The following HOOK3 variants were observed in gnomAD, a reference collection of about 807,000 sequenced individuals.
The protein encoded by HOOK3 is protein Hook homolog 3.
A neutral mutation model predicts 116.3 loss-of-function variants in HOOK3; 24 were observed. The ratio of observed to expected loss-of-function variants is 0.21; its 90% CI spans 0.15 to 0.29. The LOEUF (loss-of-function observed/expected upper bound fraction) is 0.29. Ranked by LOEUF, HOOK3 falls within the 10% of genes least tolerant of loss-of-function variation. HOOK3 has a pLI of 1.00. For missense variants in HOOK3, 632 were observed against 830.2 expected (o/e 0.76, Z 2.93); for synonymous variants, 275 against 283.0 (o/e 0.97, Z 0.28).
rs1809757720 is a variant in HOOK3, at chr8:43,018,220, A to G, written c.2017-138A>G. Reference sequence around the variant, plus strand: ...AACTAAAATGCCTCTATGAGATTTTAATCTATAGTGAGTAGTATTAACATT... The same window carrying G: ...AACTAAAATGCCTCTATGAGATTTTGATCTATAGTGAGTAGTATTAACATT... On this transcript the variant is annotated intron_variant, in intron 21 of 21. Transcript: ENST00000307602. The G allele has an allele frequency of 6.7e-6, 5 of 747,518 alleles. No individual in the cohort carries two copies. In the South Asian group the frequency reaches 1.4e-4, roughly 20 times the overall value. 46.3% of individuals were successfully genotyped at this position (747,518 alleles called of 1,614,324 possible).
intron 5 of HOOK3, among the ~76,000 whole-genome samples, chr8:42,943,953 A>AT (rs1257726047): frequency 6.6e-6 from 1 of 152,196 alleles, no homozygotes; most frequent in Non-Finnish European, 1.5e-5. Flanking sequence ...ATAAAAATAA[A>AT]TTTTGAATTG....
intron 13 of HOOK3, among the ~76,000 whole-genome samples, chr8:42,980,186 C>A (rs978310608): frequency 6.6e-6 from 1 of 152,052 alleles, no homozygotes; most frequent in Non-Finnish European, 1.5e-5. Context: ...CTCCTGACCT[C>A]AGGTGATCCA....
chr8:42,964,514 G>A (rs1386219089), intron 9 of HOOK3, 40 bp downstream of exon 9: 5 of 1,587,876 alleles, frequency 3.1e-6, no homozygotes, highest in Admixed American at 1.7e-5. Flanking sequence ...TTAAAAATTT[G>A]TTAGCTGTCA....
At chr8:42,925,173 C>T (rs945404377) in intron 2 of HOOK3, among the ~76,000 whole-genome samples, 2 of 151,982 alleles carry the variant, frequency 1.3e-5, no homozygotes, top group African/African-American at 2.4e-5. Flanking sequence ...TCTTGGCTTG[C>T]TGCAACCTCT....
chr8:42,947,782 G>A (rs567878706), intron 5 of HOOK3, among the ~76,000 whole-genome samples: 71 of 152,248 alleles, frequency 4.7e-4, no homozygotes, highest in African/African-American at 1.6e-3. Context: ...GAGATACTTA[G>A]CCTGTGTTGT....
At chr8:42,914,625 A>G (rs1807495416) in intron 2 of HOOK3, among the ~76,000 whole-genome samples, 1 of 151,214 alleles carries the variant, frequency 6.6e-6, no homozygotes, top group Non-Finnish European at 1.5e-5. Context: ...AATCATATTC[A>G]CTCCTTGTAC....
intron 14 of HOOK3, among the ~76,000 whole-genome samples, chr8:42,985,740 CAAA>C (rs879842015): frequency 9.4e-6 from 1 of 106,804 alleles, no homozygotes; most frequent in Non-Finnish European, 2.0e-5. Flanking sequence ...GACCCCGTCT[CAAA>C]AAAAAAAAAA....
intron 15 of HOOK3, among the ~76,000 whole-genome samples, chr8:42,995,873 GTAA>G (rs1220144287): frequency 2.0e-5 from 3 of 151,642 alleles, no homozygotes; most frequent in East Asian, 1.9e-4. Flanking sequence ...GGCATATTTA[GTAA>G]TAATAATAAT....
chr8:42,906,199 A>C lies in HOOK3; in HGVS notation c.84A>C (p.Pro28=), dbSNP rs1449734485. ...TWIQTFNVDA[P]CQTVEDLTNG... ...TCCAGACATTTAATGTGGATGCACC[A>C]TGCCAGACCGTGGAAGATTTAACGA... is the stretch of plus-strand genomic sequence containing the variant. Residue 28 remains proline, a synonymous_variant, in exon 2 of 22, where the codon CCA becomes CCC. Transcript: ENST00000307602. 1 of 1,444,240 alleles carries C rather than the reference A, an allele frequency of 6.9e-7. No homozygotes were observed. The highest frequency in any genetic ancestry group is 1.9e-5 in the Admixed American group (1 of 52,920). The allele number at this position is 1,444,240 out of a possible 1,614,324, so 89.5% of individuals were successfully genotyped here.
At chr8:42,930,640 A>G (rs1239679892) in intron 4 of HOOK3, among the ~76,000 whole-genome samples, 3 of 152,202 alleles carry the variant, frequency 2.0e-5, no homozygotes, top group African/African-American at 7.2e-5. Context: ...AAGATGCCAA[A>G]TGGACACAAC....
Position 43,026,321 on chromosome 8 carries a change from A to T in HOOK3, c.*7823A>T, listed in dbSNP as rs997104467. Reference sequence around the variant, plus strand: ...TACTGTTACTTCTAGTCATTTATGTAGTATATTTTACTGCAAAATTTGTAG... The same window carrying T: ...TACTGTTACTTCTAGTCATTTATGTTGTATATTTTACTGCAAAATTTGTAG... On this transcript the variant is annotated 3_prime_UTR_variant, in exon 22 of 22. Coordinates refer to ENST00000307602, the MANE Select transcript of HOOK3 (RefSeq NM_032410.4). The T allele has an allele frequency of 5.2e-6, 1 of 192,188 alleles. No homozygotes were observed. Among genetic ancestry groups the T allele is most frequent in the Non-Finnish European group, 1.1e-5 (1 of 91,960 alleles). The allele number at this position is 192,188 out of a possible 1,614,324, so 11.9% of individuals were successfully genotyped here.
In HOOK3 at chr8:43,030,031, A is replaced by G. The variant is rs1810001258; in HGVS notation, c.*11533A>G. The G allele has an allele frequency of 1.4e-5, 3 of 212,218 alleles. No individual in the cohort carries two copies. The highest frequency in any genetic ancestry group is 5.9e-5 in the Admixed American group (1 of 17,048). The allele number at this position is 212,218 out of a possible 1,614,324, so 13.1% of individuals were successfully genotyped here. A position where few individuals can be genotyped will look rare whatever the true frequency, so the allele number is the denominator to read the frequency against. On this transcript the variant is annotated 3_prime_UTR_variant, in exon 22 of 22. Coordinates refer to ENST00000307602, the MANE Select transcript of HOOK3 (RefSeq NM_032410.4). ...ATTTCATTCTTTGTCATTATAATCC[A>G]AAAACAATGTCCACATCAGACTTGG...
intron 6 of HOOK3, among the ~76,000 whole-genome samples, chr8:42,956,833 C>T (rs565802815): frequency 2.1e-4 from 32 of 152,332 alleles, no homozygotes; most frequent in African/African-American, 5.5e-4. Context: ...CCGCCCACCT[C>T]GGCCTCCCAA....
intron 15 of HOOK3, among the ~76,000 whole-genome samples, chr8:42,988,098 C>A (rs1196588445): frequency 6.6e-6 from 1 of 152,086 alleles, no homozygotes; most frequent in East Asian, 1.9e-4. Flanking sequence ...CAGTGTAAAT[C>A]AGTATAAATG....
intron 15 of HOOK3, chr8:42,994,354 T>G: frequency 2.9e-6 from 1 of 339,898 alleles, no homozygotes; most frequent in Non-Finnish European, 5.8e-6. Flanking sequence ...AATTTTGGGT[T>G]TGGTTTGCTC....
intron 13 of HOOK3, among the ~76,000 whole-genome samples, chr8:42,975,575 TAG>T (rs1192810201): frequency 6.6e-6 from 1 of 152,214 alleles, no homozygotes; most frequent in Non-Finnish European, 1.5e-5. Flanking sequence ...GAAGGAATGA[TAG>T]GGCTTTATCA....
At chr8:42,938,903 C>T (rs546569205) in intron 4 of HOOK3, among the ~76,000 whole-genome samples, 2 of 151,912 alleles carry the variant, frequency 1.3e-5, no homozygotes, top group South Asian at 2.1e-4. Context: ...TTGAGATTAG[C>T]GAGTGGTGAT....
In HOOK3 at chr8:43,030,154, A is replaced by T. The variant is rs1268354634; in HGVS notation, c.*11656A>T. On this transcript the variant is annotated 3_prime_UTR_variant, in exon 22 of 22. Coordinates refer to ENST00000307602, the MANE Select transcript of HOOK3 (RefSeq NM_032410.4). ...TGTTTACTGAGTTTTCCAACCATTT[A>T]CTATGTGTTGAGATTGGTGGGTTTT... The T allele has an allele frequency of 2.9e-5, 6 of 204,206 alleles. No homozygotes were observed. Among genetic ancestry groups the T allele is most frequent in the Non-Finnish European group, 6.0e-5 (6 of 99,808 alleles). The allele number at this position is 204,206 out of a possible 1,614,324, so 12.6% of individuals were successfully genotyped here. A position where few individuals can be genotyped will look rare whatever the true frequency, so the allele number is the denominator to read the frequency against.
rs1316361961 is a variant in HOOK3 at position 43,018,594 on chromosome 8, TTTCTC to T, written c.*101_*105del. The T allele has an allele frequency of 7.8e-7, 1 of 1,282,718 alleles. No individual in the cohort carries two copies. Among genetic ancestry groups the T allele is most frequent in the East Asian group, 2.5e-5 (1 of 39,278 alleles). 79.5% of individuals were successfully genotyped at this position (1,282,718 alleles called of 1,614,324 possible). A position where few individuals can be genotyped will look rare whatever the true frequency, so the allele number is the denominator to read the frequency against. ...GGAAACTCAGCCAGCTTATTTTTTGTTTCTCTTCTATGTCAATACTTAGTGTTTCT... is the reference window on the plus strand; with the variant it reads ...GGAAACTCAGCCAGCTTATTTTTTGTTTCTATGTCAATACTTAGTGTTTCT... On this transcript the variant is annotated 3_prime_UTR_variant, in exon 22 of 22. Transcript: ENST00000307602.
Sources: gnomAD v4.1 joint callset for allele counts (sites outside exome capture counted in the v4.1 genomes callset) on GRCh38, gnomAD v4.1.1 for gene constraint, MANE v1.5 for transcripts, NCBI Gene and HGNC (gene_info 2026-07-23, HGNC 2026-07-21) for gene names.